The following IL7 variants were observed in gnomAD, a reference collection of about 807,000 sequenced individuals.
The protein encoded by IL7 is interleukin 7.
A neutral mutation model predicts 21.6 loss-of-function variants in IL7; 3 were observed. The ratio of observed to expected loss-of-function variants is 0.14; its 90% confidence interval spans 0.06 to 0.36. The LOEUF (loss-of-function observed/expected upper bound fraction) is 0.36. Ranked by LOEUF, IL7 falls within the 10% of genes least tolerant of loss-of-function variation. IL7 has a pLI of 1.00. For synonymous variants in IL7, 62 were observed against 68.1 expected (o/e 0.91, Z 0.44); for missense variants, 175 against 200.2 (o/e 0.87, Z 0.76).
chr8:78,743,069 T>C (rs368578367), intron 2 of IL7, among the ~76,000 whole-genome samples: 1 of 152,224 alleles, frequency 6.6e-6, no homozygotes, highest in Non-Finnish European at 1.5e-5. Context: ...CTCATTGATC[T>C]CATTCTTTTT....
chr8:78,741,398 A>G (rs900384160), intron 2 of IL7, among the ~76,000 whole-genome samples: 1 of 152,208 alleles, frequency 6.6e-6, no homozygotes, highest in African/African-American at 2.4e-5. Context: ...AATAACTCAT[A>G]CATAATTTTT....
chr8:78,796,946 C>A (rs72666868), intron 2 of IL7, among the ~76,000 whole-genome samples: 2 of 151,782 alleles, frequency 1.3e-5, no homozygotes, highest in African/African-American at 2.4e-5. Flanking sequence ...AAACCCTGCA[C>A]GTATATGTTT....
intron 2 of IL7, among the ~76,000 whole-genome samples, chr8:78,759,639 A>C (rs958172950): frequency 1.3e-5 from 2 of 152,188 alleles, no homozygotes; most frequent in Admixed American, 1.3e-4. Context: ...TCTACACTGA[A>C]ATCCTTGTTT....
intron 3 of IL7, among the ~76,000 whole-genome samples, chr8:78,693,367 A>G (rs1421261548): frequency 2.0e-5 from 3 of 151,910 alleles, no homozygotes; most frequent in Non-Finnish European, 2.9e-5. Context: ...AAGTGTTCCT[A>G]TTTCTCCACA....
intron 2 of IL7, among the ~76,000 whole-genome samples, chr8:78,778,939 C>A (rs903813985): frequency 1.3e-4 from 20 of 152,054 alleles, no homozygotes; most frequent in African/African-American, 4.3e-4. Context: ...GTTTGTATTT[C>A]TCCCTGAGAG....
chr8:78,769,241 A>G (rs1010370266), intron 2 of IL7, among the ~76,000 whole-genome samples: 37 of 151,850 alleles, frequency 2.4e-4, no homozygotes, highest in Non-Finnish European at 5.0e-4. Flanking sequence ...AGGAAGTCAA[A>G]TTGTCCCTGT....
chr8:78,708,357 A>C (rs1007580976), intron 3 of IL7, among the ~76,000 whole-genome samples: 2 of 152,202 alleles, frequency 1.3e-5, no homozygotes, highest in South Asian at 4.2e-4. Flanking sequence ...AAAAATTCTC[A>C]TATGTTTGGT....
chr8:78,705,328 A>G (rs1049086221), intron 3 of IL7, among the ~76,000 whole-genome samples: 2 of 152,088 alleles, frequency 1.3e-5, no homozygotes, highest in African/African-American at 4.8e-5. Context: ...CTACTTTTCC[A>G]TAGGGCTGCT....
intron 3 of IL7, among the ~76,000 whole-genome samples, chr8:78,723,016 G>A (rs559477927): frequency 1.3e-5 from 2 of 149,474 alleles, no homozygotes; most frequent in South Asian, 4.2e-4. Context: ...TAAAAAATAG[G>A]GGGGAATACA....
At chr8:78,751,612 A>G (rs1010002281) in intron 2 of IL7, among the ~76,000 whole-genome samples, 5 of 152,202 alleles carry the variant, frequency 3.3e-5, no homozygotes, top group Non-Finnish European at 5.9e-5. Flanking sequence ...CCTTATTTTT[A>G]CTTTTTTTCC....
At chr8:78,697,759 A>G (rs1429998733) in intron 3 of IL7, among the ~76,000 whole-genome samples, 14 of 151,658 alleles carry the variant, frequency 9.2e-5, no homozygotes, top group Admixed American at 9.2e-4. Context: ...GCTCACTGCA[A>G]CCTTCGCCTC....
chr8:78,726,490 G>A (rs1811342786), intron 3 of IL7, among the ~76,000 whole-genome samples: 4 of 152,036 alleles, frequency 2.6e-5, no homozygotes, highest in Admixed American at 6.6e-5. Flanking sequence ...AGAGTAAGAC[G>A]GGAATAGGAG....
chr8:78,734,688 CTATTATAACTAGT>C (rs1811513172), intron 5 of IL7, among the ~76,000 whole-genome samples: 2 of 152,108 alleles, frequency 1.3e-5, no homozygotes, highest in Non-Finnish European at 1.5e-5. Context: ...AATATAAAAA[CTATTATAACTAGT>C]TATTGGGTAA....
At chr8:78,675,819 T>C (rs1374934880) in exon 5 of IL7, 1 of 1,610,320 alleles carries the variant, frequency 6.2e-7, no homozygotes, top group Admixed American at 1.7e-5. Context: ...TGGAGAATTG[T>C]TACCTTGCAA....
At chr8:78,712,943 G>A (rs545924217), downstream of IL7, among the ~76,000 whole-genome samples, 1 of 152,260 alleles carries the variant, frequency 6.6e-6, no homozygotes, top group South Asian at 2.1e-4. Flanking sequence ...AAAGGTAGGA[G>A]AAGTCTTTAA....
intron 2 of IL7, among the ~76,000 whole-genome samples, chr8:78,771,330 A>G (rs147158410): frequency 7.2e-4 from 110 of 152,210 alleles, no homozygotes; most frequent in Non-Finnish European, 1.1e-3. Context: ...AGGTTATCCC[A>G]TCTCTCTGAC....
chr8:78,699,915 T>A (rs1222674406), intron 3 of IL7, among the ~76,000 whole-genome samples: 8 of 152,166 alleles, frequency 5.3e-5, no homozygotes, highest in Non-Finnish European at 1.2e-4. Flanking sequence ...TTATGAATAG[T>A]GCTGCAGTGA....
intron 1 of IL7, among the ~76,000 whole-genome samples, chr8:78,804,428 T>C (rs527668443): frequency 4.3e-4 from 66 of 152,276 alleles, no homozygotes; most frequent in African/African-American, 1.6e-3. Flanking sequence ...CGGAGACCTG[T>C]TCCCCTAGGG....
At chr8:78,764,294 T>C (rs1007231815) in intron 2 of IL7, among the ~76,000 whole-genome samples, 1 of 152,108 alleles carries the variant, frequency 6.6e-6, no homozygotes, top group Non-Finnish European at 1.5e-5. Flanking sequence ...GCTATCTCCC[T>C]TCACTTCAGC....
Sources: allele counts gnomAD v4.1 joint callset (sites outside exome capture counted in the v4.1 genomes callset), GRCh38; gene constraint gnomAD v4.1.1; transcripts MANE v1.5; gene names NCBI Gene and HGNC (gene_info 2026-07-23, HGNC 2026-07-21).